Variants in THSD7B observed in about 807,000 individuals in gnomAD.
THSD7B encodes the protein thrombospondin type 1 domain containing 7B, also known as thrombospondin type-1 domain-containing protein 7B.
A neutral mutation model predicts 213.6 loss-of-function variants in THSD7B; 138 were observed. The observed-to-expected ratio is 0.65, with a 90% confidence interval of 0.56 to 0.74. The LOEUF is 0.74. THSD7B is among the 30% of genes least tolerant of loss of function. THSD7B has a pLI of 0.00. For missense variants in THSD7B, 1,931 were observed against 1,991.5 expected, an observed-to-expected ratio of 0.97 and a Z score of 0.58; for synonymous variants, 742 against 687.0, an observed-to-expected ratio of 1.08 and a Z score of -1.25.
At chr2:137,571,489 G>A (rs1681354306) in intron 16 of THSD7B, among the ~76,000 whole-genome samples, 1 of 152,078 alleles carries the variant, frequency 6.6e-6, no homozygotes. Context: ...TATAGGTTTA[G>A]CTTTAGTAGA....
chr2:137,306,301 G>A (rs558841590), intron 12 of THSD7B, among the ~76,000 whole-genome samples: 6 of 152,104 alleles, frequency 3.9e-5, no homozygotes, highest in Non-Finnish European at 5.9e-5. Context: ...GGACCAAAAA[G>A]TCATTACGTG....
At chr2:137,268,534 A>G (rs868211506) in intron 10 of THSD7B, among the ~76,000 whole-genome samples, 53 of 152,174 alleles carry the variant, frequency 3.5e-4, no homozygotes, top group African/African-American at 1.2e-3. Context: ...CATGTAGGGT[A>G]GCTTCCTGAC....
chr2:137,655,394 C>T, intron 21 of THSD7B, 107 bp from the exon 22 acceptor site: 1 of 1,209,618 alleles, frequency 8.3e-7, no homozygotes, highest in Non-Finnish European at 1.1e-6. Context: ...GAAGAGGAAG[C>T]TACGAAAATA....
At chr2:137,399,601 T>G (rs2104994565) in intron 12 of THSD7B, among the ~76,000 whole-genome samples, 1 of 152,324 alleles carries the variant, frequency 6.6e-6, no homozygotes, top group East Asian at 1.9e-4. Flanking sequence ...GACTAGGTAC[T>G]TTTATCTTGC....
chr2:137,425,460 G>A (rs964052703), intron 14 of THSD7B, among the ~76,000 whole-genome samples: 2 of 152,062 alleles, frequency 1.3e-5, no homozygotes, highest in Admixed American at 6.5e-5. Context: ...CAGGTGATCC[G>A]CCCACCTCAG....
At chr2:137,260,336 A>AT in intron 10 of THSD7B, among the ~76,000 whole-genome samples, 1 of 152,146 alleles carries the variant, frequency 6.6e-6, no homozygotes, top group Non-Finnish European at 1.5e-5. Context: ...TGCTTTCTGA[A>AT]TTTTTTTAAA....
chr2:137,272,462 A>C (rs76730255), intron 10 of THSD7B, 71 bp from the exon 11 acceptor site: 16 of 1,454,338 alleles, frequency 1.1e-5, no homozygotes, highest in African/African-American at 1.0e-4. Flanking sequence ...TTTTTTTTCA[A>C]TTGCTACCTG....
intron 2 of THSD7B, among the ~76,000 whole-genome samples, chr2:136,892,202 T>C (rs1270798640): frequency 6.6e-6 from 1 of 152,138 alleles, no homozygotes; most frequent in Non-Finnish European, 1.5e-5. Flanking sequence ...TTTTTCTGCC[T>C]TCTGTTAGTT....
At chr2:136,940,904 G>A (rs1353260098) in intron 2 of THSD7B, among the ~76,000 whole-genome samples, 1 of 148,090 alleles carries the variant, frequency 6.8e-6, no homozygotes, top group African/African-American at 2.5e-5. Context: ...TGTGCACAAT[G>A]TGCAAGTTTG....
At position 137,517,641 on chromosome 2, in the gene THSD7B, T is replaced by C. The variant is rs559453241; in HGVS notation, c.3139-45580T>C. Among the ~76,000 whole-genome samples, 29 of 152,312 alleles carry C rather than the reference T, an allele frequency of 1.9e-4. No homozygotes were observed. In the South Asian group the frequency reaches 5.2e-3, roughly 27 times the overall value. On this transcript the variant is annotated intron_variant, in intron 15 of 27. Transcript: ENST00000409968. ...AAGACTGCCAGTTTTGAGTGGGATC[T>C]AGAAGAGAAGAAGGCTCTGAAACAG...
At position 136,946,245 on chromosome 2, in the gene THSD7B, G is replaced by T. The variant is rs181570007; in HGVS notation, c.139+63928G>T. Among the ~76,000 whole-genome samples, 244 of 152,284 alleles carry T rather than the reference G, an allele frequency of 1.6e-3. 1 individual carries two copies. Among genetic ancestry groups the T allele is most frequent in the African/African-American group, 5.6e-3 (231 of 41,550 alleles). On this transcript the variant is annotated intron_variant, in intron 2 of 27. Transcript: ENST00000409968. ...CTCAGCTGCAGGTCTGTTGGAGTGTGCTGGAGGTCCACTCCAGACCCTGTT... is the reference window on the plus strand; with the variant it reads ...CTCAGCTGCAGGTCTGTTGGAGTGTTCTGGAGGTCCACTCCAGACCCTGTT...
chr2:137,557,036 A>C (rs971244115), intron 15 of THSD7B, among the ~76,000 whole-genome samples: 1 of 152,190 alleles, frequency 6.6e-6, no homozygotes, highest in African/African-American at 2.4e-5. Context: ...ACCCAGATTC[A>C]CAAAGCAAGT....
intron 4 of THSD7B, among the ~76,000 whole-genome samples, chr2:137,107,697 T>C (rs960264803): frequency 2.6e-5 from 4 of 152,190 alleles, no homozygotes; most frequent in Non-Finnish European, 4.4e-5. Flanking sequence ...GTCCCTATTG[T>C]GCCACTTAAA....
intron 10 of THSD7B, among the ~76,000 whole-genome samples, chr2:137,268,164 T>G (rs181608212): frequency 6.6e-6 from 1 of 152,116 alleles, no homozygotes; most frequent in Non-Finnish European, 1.5e-5. Context: ...ATTTTATTTT[T>G]TTTATATACT....
At chr2:137,157,663 G>A (rs1679936403) in intron 5 of THSD7B, among the ~76,000 whole-genome samples, 1 of 152,130 alleles carries the variant, frequency 6.6e-6, no homozygotes, top group African/African-American at 2.4e-5. Flanking sequence ...AGACCCAGAT[G>A]CCTAGATCCC....
intron 6 of THSD7B, among the ~76,000 whole-genome samples, chr2:137,166,414 A>G (rs1000824355): frequency 9.9e-5 from 15 of 152,232 alleles, no homozygotes; most frequent in African/African-American, 3.6e-4. Context: ...ACACATTTAT[A>G]TGACATCCTT....
chr2:136,919,190 C>G (rs945749374), intron 2 of THSD7B, among the ~76,000 whole-genome samples: 1 of 152,230 alleles, frequency 6.6e-6, no homozygotes, highest in Non-Finnish European at 1.5e-5. Context: ...TTTACTCTCT[C>G]AAAGCTCTTG....
chr2:137,356,973 C>G (rs865976853), intron 12 of THSD7B, among the ~76,000 whole-genome samples: 9 of 134,478 alleles, frequency 6.7e-5, no homozygotes, highest in South Asian at 2.3e-4. Flanking sequence ...CACAGACACA[C>G]ACACACACAC....
intron 27 of THSD7B, among the ~76,000 whole-genome samples, chr2:137,668,603 G>A (rs1683497306): frequency 6.6e-6 from 1 of 151,886 alleles, no homozygotes; most frequent in East Asian, 1.9e-4. Context: ...AATGTGAGGA[G>A]GACTGGGGTG....
Sources: allele counts gnomAD v4.1 joint callset (sites outside exome capture counted in the v4.1 genomes callset), GRCh38; gene constraint gnomAD v4.1.1; transcripts MANE v1.5; gene names NCBI Gene and HGNC (gene_info 2026-07-23, HGNC 2026-07-21).